Variants in ATP2A3 observed in about 807,000 individuals in gnomAD.
ATP2A3 encodes the protein ATPase sarcoplasmic/endoplasmic reticulum Ca2+ transporting 3, also known as sarcoplasmic/endoplasmic reticulum calcium ATPase 3.
Under a neutral mutation model 106.8 loss-of-function variants are expected in ATP2A3, and 61 were observed. The observed-to-expected ratio is 0.57, with a 90% CI of 0.46 to 0.71. The LOEUF (loss-of-function observed/expected upper bound fraction) is 0.71. Ranked by LOEUF, ATP2A3 falls within the 30% of genes least tolerant of loss-of-function variation. The pLI is 0.00. For synonymous variants in ATP2A3, 611 were observed against 609.3 expected, an observed-to-expected ratio of 1.00 and a Z score of -0.04; for missense variants, 1,201 against 1,423.5, an observed-to-expected ratio of 0.84 and a Z score of 2.52.
intron 1 of ATP2A3, among the ~76,000 whole-genome samples, chr17:3,958,008 G>A (rs926139119): frequency 9.2e-5 from 14 of 152,220 alleles, no homozygotes; most frequent in African/African-American, 3.1e-4. Context: ...GAGGCCCAGC[G>A]TGCAGGCCTG....
intron 11 of ATP2A3, among the ~76,000 whole-genome samples, chr17:3,943,189 T>C (rs2144517176): frequency 6.6e-6 from 1 of 152,038 alleles, no homozygotes; most frequent in South Asian, 2.1e-4. Context: ...CGAGAATCAC[T>C]TGAACCCGGG....
intron 4 of ATP2A3, 36 bp downstream of exon 4, chr17:3,951,545 C>CCCCCCCCCCCCCGG: frequency 3.7e-6 from 5 of 1,351,102 alleles, no homozygotes; most frequent in Non-Finnish European, 5.1e-6. Flanking sequence ...GCTGGGAGAC[C>CCCCCCCCCCCCCGG]GCCCCCCGCC....
intron 16 of ATP2A3, among the ~76,000 whole-genome samples, 161 bp from the exon 17 acceptor site, chr17:3,935,438 C>A (rs2053381708): frequency 6.6e-6 from 1 of 152,106 alleles, no homozygotes; most frequent in African/African-American, 2.4e-5. Context: ...GTGGTGGGCC[C>A]TGGCTGGTCA....
rs1210076289 is a variant in ATP2A3 at position 3,928,111 on chromosome 17, C to T, written c.2980+552G>A. On this transcript the variant is annotated intron_variant, in intron 20 of 20. Transcript: ENST00000397041. The surrounding 1 kb of genome is among the most constrained non-coding windows in gnomAD (Gnocchi z 6.1). ...AGGTGGATGGACCCCATGTCCCAGCCCACTTCTCTCCAGCCCGACACCTGC... is the reference window on the plus strand; with the variant it reads ...AGGTGGATGGACCCCATGTCCCAGCTCACTTCTCTCCAGCCCGACACCTGC... 1.9e-6 allele frequency: 3 copies of T among 1,604,682 alleles called. No homozygotes were observed. Among genetic ancestry groups the T allele is most frequent in the Middle Eastern group, 1.6e-4 (1 of 6,068 alleles).
intron 17 of ATP2A3, chr17:3,934,798 C>T (rs549207056): frequency 8.3e-4 from 185 of 224,228 alleles, no homozygotes; most frequent in Admixed American, 2.0e-3. Flanking sequence ...GCTGGGATTA[C>T]AGGCGTGAAC....
chr17:3,946,323 G>T (rs1006717753), intron 8 of ATP2A3, among the ~76,000 whole-genome samples: 1 of 151,912 alleles, frequency 6.6e-6, no homozygotes, highest in African/African-American at 2.4e-5. Flanking sequence ...AGGCCAAGGC[G>T]GGTGGATCAC....
At chr17:3,959,789 G>A (rs2055038126) in intron 1 of ATP2A3, among the ~76,000 whole-genome samples, 1 of 152,246 alleles carries the variant, frequency 6.6e-6, no homozygotes, top group African/African-American at 2.4e-5. Context: ...TGCTCTGCGG[G>A]AGCCACTGCG....
chr17:3,953,579 C>G lies in ATP2A3; in HGVS notation c.136+114G>C. On this transcript the variant is annotated intron_variant, in intron 2 of 20. Transcript: ENST00000397041. The surrounding 1 kb of genome is among the most constrained non-coding windows in gnomAD (Gnocchi z 5.1). The stretch of plus-strand genomic sequence containing the variant: ...TCGCTGAGAGGCTCAGGTGGGTGAT[C>G]CTGGGGAGCTCAGCAAGGCCTCACT... The G allele has an allele frequency of 6.6e-7, 1 of 1,509,496 alleles. No homozygotes were observed. The highest frequency in any genetic ancestry group is 1.7e-4 in the Middle Eastern group (1 of 5,898). 93.5% of individuals were successfully genotyped at this position (1,509,496 alleles called of 1,614,324 possible).
chr17:3,960,466 C>G (rs577561947), intron 1 of ATP2A3, among the ~76,000 whole-genome samples: 75 of 152,368 alleles, frequency 4.9e-4, no homozygotes, highest in Non-Finnish European at 9.1e-4. Flanking sequence ...CTCCCTTGAA[C>G]AGAGACCACC....
In ATP2A3 at chr17:3,950,592, T is replaced by C. The variant is rs573922572; in HGVS notation, c.549A>G (p.Glu183=). Residue 183 remains glutamate, a synonymous_variant, in exon 7 of 21, where the codon GAA becomes GAG. Transcript: ENST00000397041. ...LRVDQSILTG[E]SVSVTKHTEA... is the part of the protein sequence containing the mutation. Reference sequence around the variant, plus strand: ...CTGTGTGCTTGGTCACGGACACAGATTCACCTGGTCAGGGAATCAGAGATG... The same window carrying C: ...CTGTGTGCTTGGTCACGGACACAGACTCACCTGGTCAGGGAATCAGAGATG... 5 of 1,614,102 alleles carry C rather than the reference T, an allele frequency of 3.1e-6. No individual in the cohort carries two copies. The South Asian group carries it at 5.5e-5, about 18-fold the overall frequency.
At chr17:3,937,776 G>T in intron 14 of ATP2A3, 140 bp from the exon 15 acceptor site, 1 of 884,018 alleles carries the variant, frequency 1.1e-6, no homozygotes, top group Non-Finnish European at 1.8e-6. Context: ...GTGGGTTCAA[G>T]AATGAACTAG....
Position 3,951,670 on chromosome 17 carries a change from C to T in ATP2A3, c.235G>A (p.Glu79Lys), listed in dbSNP as rs1048112074. Residue 79 changes from glutamate to lysine, a missense_variant, in exon 4 of 21, where the codon GAG (glutamate) becomes AAG (lysine). Transcript: ENST00000397041. ...GCGGTCGTGGTCTCCTCGCCCTCCT[C>T]GAACCAGGCCAGGACCTGCAGGATC... ...ALVSFVLAWF[E>K]EGEETTTAFV... 2.5e-6 allele frequency: 4 copies of T among 1,609,690 alleles called. No individual in the cohort carries two copies. The highest frequency in any genetic ancestry group is 3.4e-6 in the Non-Finnish European group (4 of 1,178,618).
In ATP2A3 at chr17:3,964,262, G is replaced by A. The variant is rs1437998077; in HGVS notation, c.30C>T (p.Ala10=). MEAAHLLPA[A]DVLRHFSVTA... ...TCACCGAGAAGTGGCGCAGCACGTC[G>A]GCGGCCGGGAGCAGATGCGCCGCCT... is the stretch of plus-strand genomic sequence containing the variant. The change falls in exon 1 of 21, where the codon GCC becomes GCT. Residue 10 remains alanine (A), a synonymous_variant. Coordinates refer to ENST00000397041, the MANE Select transcript of ATP2A3 (RefSeq NM_005173.4). 2.3e-6 allele frequency: 3 copies of A among 1,280,218 alleles called. No individual in the cohort carries two copies. The highest frequency in any genetic ancestry group is 3.1e-4 in the Middle Eastern group (1 of 3,252). The allele number at this position is 1,280,218 out of a possible 1,614,324, so 79.3% of individuals were successfully genotyped here.
At chr17:3,946,478 C>G (rs903966043) in intron 8 of ATP2A3, among the ~76,000 whole-genome samples, 2 of 152,032 alleles carry the variant, frequency 1.3e-5, no homozygotes, top group Non-Finnish European at 2.9e-5. Flanking sequence ...TCGCTTGAAC[C>G]TGGGAGGCAG....
chr17:3,939,702 G>T (rs990521771), intron 14 of ATP2A3, among the ~76,000 whole-genome samples: 3 of 142,966 alleles, frequency 2.1e-5, no homozygotes, highest in Non-Finnish European at 3.0e-5. Context: ...CAGGAGAATC[G>T]CTTGAACCTG....
chr17:3,927,982 C>G lies in ATP2A3; in HGVS notation c.2980+681G>C, dbSNP rs764329508. ...AAATTCCCAGGAACCGGAGCTCACC[C>G]CTGCTTCCTCCCTCTCTGAGCAGCT... On this transcript the variant is annotated intron_variant, in intron 20 of 20. Transcript: ENST00000397041. The G allele has an allele frequency of 4.3e-6, 7 of 1,614,006 alleles. No individual in the cohort carries two copies. The East Asian group carries it at 1.6e-4, about 36-fold the overall frequency.
chr17:3,958,186 C>T (rs1420317885), intron 1 of ATP2A3, among the ~76,000 whole-genome samples: 1 of 152,138 alleles, frequency 6.6e-6, no homozygotes, highest in Non-Finnish European at 1.5e-5. Context: ...TCTCCATCTG[C>T]AAAAAGAGGG....
intron 8 of ATP2A3, 108 bp from the exon 9 acceptor site, chr17:3,945,256 C>T: frequency 2.8e-6 from 3 of 1,066,554 alleles, no homozygotes; most frequent in Non-Finnish European, 2.7e-6. Flanking sequence ...CGACCGAGGG[C>T]CAAACCGGCC....
Position 3,945,831 on chromosome 17 carries a change from T to C in ATP2A3, c.1096-683A>G, listed in dbSNP as rs1404955403. ...AGCAAATGGCCAGCCCAGCGCCCAG[T>C]AGATGCATAAGTGTCCCTTCCTTCC... is the stretch of plus-strand genomic sequence containing the variant. On this transcript the variant is annotated intron_variant, in intron 8 of 20. Coordinates refer to ENST00000397041, the MANE Select transcript of ATP2A3 (RefSeq NM_005173.4). Among the ~76,000 whole-genome samples, 4 of 152,160 alleles carry C rather than the reference T, an allele frequency of 2.6e-5. No individual in the cohort carries two copies. In the South Asian group the frequency reaches 6.2e-4, roughly 24 times the overall value.
Sources: gnomAD v4.1 joint callset for allele counts (sites outside exome capture counted in the v4.1 genomes callset) on GRCh38, gnomAD v4.1.1 for gene constraint, Gnocchi (gnomAD v3.1) non-coding constraint, MANE v1.5 for transcripts, NCBI Gene and HGNC (gene_info 2026-07-23, HGNC 2026-07-21) for gene names.